RAPGEF6: variants seen among roughly 807,000 people sequenced by gnomAD.
RAPGEF6 encodes Rap guanine nucleotide exchange factor 6, also known as PDZ domain containing guanine nucleotide exchange factor (GEF) 2.
RAPGEF6 carries 56 observed loss-of-function variants against 171.4 expected under a neutral mutation model. That is an observed-to-expected ratio of 0.33 (90% CI 0.26 to 0.41). The LOEUF (loss-of-function observed/expected upper bound fraction) is 0.41. Ranked by LOEUF, RAPGEF6 falls within the 10% of genes least tolerant of loss-of-function variation. RAPGEF6 has a pLI of 1.00. For missense variants in RAPGEF6, 1,674 were observed against 1,921.4 expected (o/e 0.87, Z 2.41); for synonymous variants, 692 against 650.1 (o/e 1.06, Z -0.98).
At chr5:131,524,882 C>T (rs555540968) in intron 6 of RAPGEF6, among the ~76,000 whole-genome samples, 1 of 152,182 alleles carries the variant, frequency 6.6e-6, no homozygotes, top group East Asian at 1.9e-4. Flanking sequence ...TCCCAAAGTG[C>T]TGGGATTACA....
chr5:131,511,493 T>TG (rs936128593), intron 7 of RAPGEF6, among the ~76,000 whole-genome samples: 1 of 150,126 alleles, frequency 6.7e-6, no homozygotes, highest in African/African-American at 2.4e-5. Flanking sequence ...TTTTTTTTTT[T>TG]TTTTCTTTTT....
At chr5:131,590,877 A>G (rs993113796) in intron 4 of RAPGEF6, among the ~76,000 whole-genome samples, 1 of 152,248 alleles carries the variant, frequency 6.6e-6, no homozygotes, top group African/African-American at 2.4e-5. Context: ...ATCTTAAAAT[A>G]TAACCATAGG....
At chr5:131,460,064 T>C (rs539230585) in intron 19 of RAPGEF6, among the ~76,000 whole-genome samples, 39 of 152,254 alleles carry the variant, frequency 2.6e-4, no homozygotes, top group African/African-American at 8.9e-4. Flanking sequence ...AAAACAATTA[T>C]CTTAAAAAGA....
chr5:131,565,946 G>C (rs1291302181), intron 4 of RAPGEF6, among the ~76,000 whole-genome samples: 1 of 152,082 alleles, frequency 6.6e-6, no homozygotes, highest in African/African-American at 2.4e-5. Context: ...AGGAGTTCAA[G>C]ACCAGCCTGT....
chr5:131,585,521 CAAA>C (rs111943047), intron 4 of RAPGEF6, among the ~76,000 whole-genome samples: 1 of 149,182 alleles, frequency 6.7e-6, no homozygotes, highest in African/African-American at 2.5e-5. Context: ...ATCAGAAACT[CAAA>C]AAAAAACAAA....
At chr5:131,615,832 C>T (rs1407025825) in intron 1 of RAPGEF6, among the ~76,000 whole-genome samples, 3 of 151,556 alleles carry the variant, frequency 2.0e-5, no homozygotes, top group East Asian at 1.9e-4. Context: ...AACCCGGGCA[C>T]GGAGGCTGCA....
intron 10 of RAPGEF6, 117 bp downstream of exon 10, chr5:131,505,247 G>A: frequency 1.0e-6 from 1 of 970,548 alleles, no homozygotes; most frequent in Non-Finnish European, 1.6e-6. Context: ...TTTATTAACT[G>A]TGAGCTATTG....
At chr5:131,537,769 A>G (rs1170419091) in intron 6 of RAPGEF6, among the ~76,000 whole-genome samples, 3 of 152,220 alleles carry the variant, frequency 2.0e-5, no homozygotes, top group Non-Finnish European at 2.9e-5. Context: ...AACTGCAGAC[A>G]GAAAATATTT....
At chr5:131,519,654 G>T (rs1758344643) in intron 7 of RAPGEF6, among the ~76,000 whole-genome samples, 1 of 152,106 alleles carries the variant, frequency 6.6e-6, no homozygotes, top group Non-Finnish European at 1.5e-5. Context: ...CGCCCGCCTA[G>T]GCCTCCCATC....
chr5:131,427,746 A>G (rs1035168873), intron 27 of RAPGEF6, among the ~76,000 whole-genome samples: 1 of 152,198 alleles, frequency 6.6e-6, no homozygotes, highest in Non-Finnish European at 1.5e-5. Flanking sequence ...CAAAGATAAG[A>G]ATATTCCATT....
At chr5:131,464,402 A>G in intron 17 of RAPGEF6, 121 bp from the exon 18 acceptor site, 1 of 730,040 alleles carries the variant, frequency 1.4e-6, no homozygotes, top group Non-Finnish European at 2.3e-6. Context: ...CTATTTCACA[A>G]TATTAACAGA....
intron 13 of RAPGEF6, among the ~76,000 whole-genome samples, chr5:131,493,711 C>T (rs31254): frequency 0.77 from 116,671 of 151,876 alleles, 45,108 homozygotes; most frequent in African/African-American, 0.82. Context: ...AGTCTTACAT[C>T]TGTTCTGATC....
At chr5:131,552,014 G>T (rs1760951804) in intron 5 of RAPGEF6, among the ~76,000 whole-genome samples, 1 of 152,146 alleles carries the variant, frequency 6.6e-6, no homozygotes, top group South Asian at 2.1e-4. Flanking sequence ...GTGAAAGCAA[G>T]AATACTTGAA....
intron 24 of RAPGEF6, among the ~76,000 whole-genome samples, chr5:131,434,381 C>T (rs768357664): frequency 4.6e-5 from 7 of 152,234 alleles, no homozygotes; most frequent in Admixed American, 6.5e-5. Context: ...GCTGGGACTA[C>T]GGTCTGCACC....
At chr5:131,440,321 A>G (rs1752297702) in intron 23 of RAPGEF6, 2 of 439,262 alleles carry the variant, frequency 4.6e-6, no homozygotes, top group Non-Finnish European at 9.1e-6. Flanking sequence ...TCCTATCATT[A>G]CCCTTGTCCA....
At chr5:131,563,337 G>A (rs1761725594) in intron 4 of RAPGEF6, among the ~76,000 whole-genome samples, 1 of 152,032 alleles carries the variant, frequency 6.6e-6, no homozygotes, top group Admixed American at 6.6e-5. Flanking sequence ...CTTCATTGAT[G>A]GGCTAGAAAC....
intron 6 of RAPGEF6, among the ~76,000 whole-genome samples, chr5:131,547,743 T>C (rs1178248933): frequency 6.6e-6 from 1 of 151,868 alleles, no homozygotes; most frequent in Non-Finnish European, 1.5e-5. Flanking sequence ...ACTCCTGACC[T>C]TGTGATCCGC....
At chr5:131,511,020 G>A (rs779223482) in intron 7 of RAPGEF6, among the ~76,000 whole-genome samples, 7 of 152,098 alleles carry the variant, frequency 4.6e-5, no homozygotes, top group Non-Finnish European at 1.0e-4. Context: ...TAGACCCATC[G>A]TAAAGGACTG....
intron 14 of RAPGEF6, among the ~76,000 whole-genome samples, chr5:131,490,947 A>C (rs1263550592): frequency 6.6e-6 from 1 of 152,260 alleles, no homozygotes; most frequent in African/African-American, 2.4e-5. Context: ...ATAATGTTAA[A>C]AAGTAACAAT....
Sources: gnomAD v4.1 joint callset for allele counts (sites outside exome capture counted in the v4.1 genomes callset) on GRCh38, gnomAD v4.1.1 for gene constraint, MANE v1.5 for transcripts, NCBI Gene and HGNC (gene_info 2026-07-23, HGNC 2026-07-21) for gene names.